The following CARS2 variants were observed in gnomAD, a reference collection of about 807,000 sequenced individuals.
CARS2 encodes the protein cysteinyl-tRNA synthetase 2, mitochondrial, also known as probable cysteine--tRNA ligase, mitochondrial.
Under a neutral mutation model 68.8 loss-of-function variants are expected in CARS2, and 52 were observed. That is an observed-to-expected ratio of 0.76 (90% CI 0.61 to 0.95). CARS2 has a LOEUF of 0.95. Among genes scored for constraint, CARS2 ranks in the 40% least tolerant of loss-of-function variants. The pLI is 0.00. For synonymous variants in CARS2, 314 were observed against 303.6 expected, an observed-to-expected ratio of 1.03 and a Z score of -0.36; for missense variants, 780 against 754.2, an observed-to-expected ratio of 1.03 and a Z score of -0.40.
intron 1 of CARS2, chr13:110,712,432 GGAGGCCGAAGCC>G (rs1159481150): frequency 5.4e-6 from 1 of 185,792 alleles, no homozygotes; most frequent in Non-Finnish European, 1.1e-5. Flanking sequence ...GCAGCGGGGC[GGAGGCCGAAGCC>G]GAGGCCGCCC....
rs905046369 is a variant in CARS2 at position 110,665,161 on chromosome 13, T to A, written c.920-1643A>T. On this transcript the variant is annotated intron_variant, in intron 8 of 14. Coordinates refer to ENST00000257347, the MANE Select transcript of CARS2 (RefSeq NM_024537.4). The surrounding 1 kb of genome is among the most constrained non-coding windows in gnomAD (Gnocchi z 4.3). ...ATCACTGAAAAATAGCCACAAAACT[T>A]TCCCACCACGTGCAGTGGCTCACGC... 1 of 985,242 alleles carries A rather than the reference T, an allele frequency of 1.0e-6. No homozygotes were observed. The highest frequency in any genetic ancestry group is 6.2e-5 in the Admixed American group (1 of 16,258). 61.0% of individuals were successfully genotyped at this position (985,242 alleles called of 1,614,324 possible). A position where few individuals can be genotyped will look rare whatever the true frequency, so the allele number is the denominator to read the frequency against.
In CARS2 at chr13:110,706,058, GGGGCCCA is replaced by G; in HGVS notation, c.29_35del (p.Leu10ProfsTer54). 1 of 1,359,626 alleles carries G rather than the reference GGGGCCCA, an allele frequency of 7.4e-7. No individual in the cohort carries two copies. The highest frequency in any genetic ancestry group is 9.5e-7 in the Non-Finnish European group (1 of 1,057,772). 84.2% of individuals were successfully genotyped at this position (1,359,626 alleles called of 1,614,324 possible). A position where few individuals can be genotyped will look rare whatever the true frequency, so the allele number is the denominator to read the frequency against. On this transcript the variant is annotated frameshift_variant, in exon 1 of 15. Coordinates refer to ENST00000257347, the MANE Select transcript of CARS2 (RefSeq NM_024537.4). LOFTEE classifies it high-confidence loss of function. ...GGCCCAGCGCGGCCTGGAGCAGCGG[GGGGCCCA>G]GGCCTGGGCCGCGCGTAGTCCTCAA...
rs1372658253 is a variant in CARS2, at chr13:110,648,474, G to C, written c.1055-1235C>G. ...GACACTTCTCCAAAGTGTCAGCGCA[G>C]CACAGACTGCAAGGGATGCCACCAC... On this transcript the variant is annotated intron_variant, in intron 10 of 14. Transcript: ENST00000257347. The C allele has an allele frequency of 2.0e-5, 3 of 152,288 alleles. No individual in the cohort carries two copies. The East Asian group carries it at 5.8e-4, about 29-fold the overall frequency. 9.4% of individuals were successfully genotyped at this position (152,288 alleles called of 1,614,324 possible).
intron 12 of CARS2, 147 bp from the exon 13 acceptor site, chr13:110,644,630 G>A: frequency 7.2e-7 from 1 of 1,390,482 alleles, no homozygotes; most frequent in Non-Finnish European, 9.5e-7. Context: ...ACACAGCTCT[G>A]GCATCGGCTA....
intron 3 of CARS2, among the ~76,000 whole-genome samples, chr13:110,699,869 T>C (rs1334061747): frequency 1.3e-5 from 2 of 152,222 alleles, no homozygotes; most frequent in Non-Finnish European, 2.9e-5. Context: ...GCGCCTCCAA[T>C]GTCCCACCTG....
At chr13:110,712,712 G>T in intron 1 of CARS2, 1 of 692,318 alleles carries the variant, frequency 1.4e-6, no homozygotes, top group Non-Finnish European at 2.6e-6. Context: ...TACTGTGGGC[G>T]GCCTTTCCAA....
In CARS2 at chr13:110,648,406, AC is replaced by A. The variant is rs1165364617; in HGVS notation, c.1055-1168del. On this transcript the variant is annotated intron_variant, in intron 10 of 14. Coordinates refer to ENST00000257347, the MANE Select transcript of CARS2 (RefSeq NM_024537.4). Reference sequence around the variant, plus strand: ...GACGCCTTCTGCCTCAAGGTCAAGGACAGCTGCATTTCTCCAAAGAGGATTC... The same window carrying A: ...GACGCCTTCTGCCTCAAGGTCAAGGAAGCTGCATTTCTCCAAAGAGGATTC... 4 of 152,238 alleles carry A rather than the reference AC, an allele frequency of 2.6e-5. No homozygotes were observed. In the East Asian group the frequency reaches 7.7e-4, roughly 29 times the overall value. 9.4% of individuals were successfully genotyped at this position (152,238 alleles called of 1,614,324 possible).
At position 110,705,392 on chromosome 13, in the gene CARS2, A is replaced by G; in HGVS notation, c.275+129T>C. The G allele has an allele frequency of 4.5e-6, 3 of 659,656 alleles. No homozygotes were observed. Among genetic ancestry groups the G allele is most frequent in the East Asian group, 5.6e-5 (2 of 35,470 alleles). The allele number at this position is 659,656 out of a possible 1,614,324, so 40.9% of individuals were successfully genotyped here. Reference sequence around the variant, plus strand: ...ACCAAATGAGGTTGTAACATTTCCCACAATGCCTGGAATGTAGGAATTATT... The same window carrying G: ...ACCAAATGAGGTTGTAACATTTCCCGCAATGCCTGGAATGTAGGAATTATT... On this transcript the variant is annotated intron_variant, in intron 2 of 14. Coordinates refer to ENST00000257347, the MANE Select transcript of CARS2 (RefSeq NM_024537.4). The surrounding 1 kb of genome is among the most constrained non-coding windows in gnomAD (Gnocchi z 4.0).
At chr13:110,666,374 C>T in intron 8 of CARS2, 1 of 985,374 alleles carries the variant, frequency 1.0e-6, no homozygotes, top group Non-Finnish European at 1.2e-6. Flanking sequence ...CCTAAGTCCT[C>T]AAACAGCCAC....
intron 3 of CARS2, among the ~76,000 whole-genome samples, chr13:110,694,689 A>G (rs2063570166): frequency 6.6e-6 from 1 of 152,112 alleles, no homozygotes; most frequent in Non-Finnish European, 1.5e-5. Flanking sequence ...ACCTCTTTTA[A>G]TTCTTACCCC....
upstream of CARS2, chr13:110,706,253 C>G: frequency 2.3e-6 from 1 of 436,706 alleles, no homozygotes; most frequent in Non-Finnish European, 3.6e-6. Context: ...TTTGGCCTGG[C>G]TCGAGTCGCC....
intron 9 of CARS2, among the ~76,000 whole-genome samples, chr13:110,654,921 CA>C (rs34662096): frequency 0.18 from 14,628 of 83,516 alleles, 687 homozygotes; most frequent in Middle Eastern, 0.27. Context: ...AACCCTCTCT[CA>C]AAAAAAAAAA....
chr13:110,702,472 GCTATTATTA>G (rs1041632304), intron 2 of CARS2, among the ~76,000 whole-genome samples: 20 of 152,294 alleles, frequency 1.3e-4, no homozygotes, highest in African/African-American at 4.3e-4. Flanking sequence ...AAAAACACAA[GCTATTATTA>G]CCATTCTCAT....
chr13:110,641,547 G>T lies in CARS2; in HGVS notation c.1685C>A (p.Ser562Ter), dbSNP rs1229833841. The change falls in exon 15 of 15, where the codon TCA becomes TAA. Residue 562 changes from serine (S) to a stop codon, truncating the protein, a stop_gained. Coordinates refer to ENST00000257347, the MANE Select transcript of CARS2 (RefSeq NM_024537.4). LOFTEE classifies it high-confidence loss of function. ...GGCTGTGCTCCATCCTCAGCCCGCT[G>T]ATTTTTGGTCTTTTGTCCTTTGATC... ...LLDQRTKDQKSAG is the reference protein window; with the variant it reads ...LLDQRTKDQK 5 of 1,613,236 alleles carry T rather than the reference G, an allele frequency of 3.1e-6. No individual in the cohort carries two copies. The highest frequency in any genetic ancestry group is 4.2e-6 in the Non-Finnish European group (5 of 1,179,124).
At chr13:110,684,127 A>G (rs1215233571) in intron 5 of CARS2, among the ~76,000 whole-genome samples, 1 of 152,178 alleles carries the variant, frequency 6.6e-6, no homozygotes, top group East Asian at 1.9e-4. Context: ...CTCCCTAGGA[A>G]GGAGGCAATG....
chr13:110,699,256 A>ATGCTCTAATG lies in CARS2; in HGVS notation c.393+2181_393+2182insCATTAGAGCA, dbSNP rs2063714464. 2.6e-5 allele frequency among the ~76,000 whole-genome samples: 4 copies of ATGCTCTAATG among 152,222 alleles called. 1 individual carries two copies. The South Asian group carries it at 8.3e-4, about 32-fold the overall frequency. ...AGCAGCACAAAACAGACTAAGACAA[A>ATGCTCTAATG]CACCGTCTAATGCTCTTGGAGGGTC... On this transcript the variant is annotated intron_variant, in intron 3 of 14. Transcript: ENST00000257347.
intron 3 of CARS2, among the ~76,000 whole-genome samples, chr13:110,692,003 A>AAAATAT (rs1555299926): frequency 2.2e-5 from 2 of 91,594 alleles, no homozygotes; most frequent in Non-Finnish European, 4.3e-5. Context: ...AAAAAAAAAA[A>AAAATAT]ATATATATAT....
At chr13:110,711,650 T>C (rs115907985) in intron 1 of CARS2, among the ~76,000 whole-genome samples, 1,856 of 152,336 alleles carry the variant, frequency 0.012, 49 homozygotes, top group African/African-American at 0.043. Context: ...TCCCCAAATA[T>C]CAAAGCCAAA....
chr13:110,650,915 G>C (rs2139699579), intron 10 of CARS2, 119 bp downstream of exon 10: 2 of 734,808 alleles, frequency 2.7e-6, no homozygotes, highest in Middle Eastern at 5.6e-4. Context: ...AAGGCACACA[G>C]CAGCCTCACT....
Sources: gnomAD v4.1 joint callset for allele counts (sites outside exome capture counted in the v4.1 genomes callset) on GRCh38, gnomAD v4.1.1 for gene constraint, Gnocchi (gnomAD v3.1) non-coding constraint, MANE v1.5 for transcripts, NCBI Gene and HGNC (gene_info 2026-07-23, HGNC 2026-07-21) for gene names.